Variants in INPP4B observed in about 807,000 individuals in gnomAD.
The protein encoded by INPP4B is inositol polyphosphate-4-phosphatase type II B.
In INPP4B, 55 loss-of-function variants were observed where a neutral mutation model predicts 122.5. The observed-to-expected ratio is 0.45, with a 90% CI of 0.36 to 0.56. The LOEUF (loss-of-function observed/expected upper bound fraction) is 0.56, where lower values mean the gene tolerates loss of function less well. Ranked by LOEUF, INPP4B falls within the 20% of genes least tolerant of loss-of-function variation. The probability of loss-of-function intolerance (pLI) is 0.00; values close to 1 mark genes in which losing one functional copy is unlikely to be tolerated. For missense variants in INPP4B, 1,000 were observed against 1,097.7 expected (o/e 0.91, Z 1.26); for synonymous variants, 403 against 388.7 (o/e 1.04, Z -0.43).
chr4:142,234,557 C>A (rs151075198), intron 12 of INPP4B, among the ~76,000 whole-genome samples: 1 of 152,054 alleles, frequency 6.6e-6, no homozygotes, highest in Non-Finnish European at 1.5e-5. Flanking sequence ...TAAAAATCTC[C>A]TTTTCGTTAT....
intron 2 of INPP4B, among the ~76,000 whole-genome samples, chr4:142,539,476 T>G (rs932293737): frequency 1.3e-4 from 20 of 152,092 alleles, no homozygotes; most frequent in Non-Finnish European, 7.4e-5. Flanking sequence ...ATCTAAATAT[T>G]TCATCAATGG....
intron 22 of INPP4B, among the ~76,000 whole-genome samples, chr4:142,111,199 TA>T (rs3834228): frequency 0.13 from 19,088 of 152,150 alleles, 1,370 homozygotes; most frequent in East Asian, 0.23. Flanking sequence ...GAGTGAATTA[TA>T]GATAAGAAAG....
At chr4:142,278,543 G>T (rs773200269) in intron 9 of INPP4B, among the ~76,000 whole-genome samples, 1 of 151,850 alleles carries the variant, frequency 6.6e-6, no homozygotes, top group African/African-American at 2.4e-5. Flanking sequence ...ACTATGAGGG[G>T]CAAAAAGTTA....
At chr4:142,055,873 A>G (rs1445099922) in intron 25 of INPP4B, among the ~76,000 whole-genome samples, 2 of 151,726 alleles carry the variant, frequency 1.3e-5, no homozygotes, top group African/African-American at 4.8e-5. Context: ...TGTGTACTTT[A>G]TTTCTATTAC....
chr4:142,176,176 T>A (rs776343556), intron 15 of INPP4B, among the ~76,000 whole-genome samples: 1 of 149,294 alleles, frequency 6.7e-6, no homozygotes. Flanking sequence ...CTAGGGTACA[T>A]GTGCATAACA....
intron 12 of INPP4B, among the ~76,000 whole-genome samples, chr4:142,218,036 TTGTG>T (rs4054980): frequency 4.2e-4 from 63 of 149,148 alleles, no homozygotes; most frequent in African/African-American, 1.5e-3. Context: ...TTCTAATAAA[TTGTG>T]TGTGTGTGTG....
At chr4:142,252,036 G>A (rs1732413035) in intron 11 of INPP4B, among the ~76,000 whole-genome samples, 1 of 152,168 alleles carries the variant, frequency 6.6e-6, no homozygotes, top group African/African-American at 2.4e-5. Context: ...TTTAAATTCT[G>A]GACCCACTGT....
chr4:142,038,255 T>C (rs1292301277), intron 25 of INPP4B, among the ~76,000 whole-genome samples: 5 of 152,172 alleles, frequency 3.3e-5, no homozygotes, highest in South Asian at 2.1e-4. Flanking sequence ...ATAATTCCCA[T>C]TGGCCTAAAT....
chr4:142,574,918 T>G (rs1345335638), intron 2 of INPP4B, among the ~76,000 whole-genome samples: 1 of 152,074 alleles, frequency 6.6e-6, no homozygotes, highest in Non-Finnish European at 1.5e-5. Context: ...ATGTTTGTTA[T>G]GTGACTGGGT....
chr4:142,362,256 C>G (rs1329962609), intron 7 of INPP4B, among the ~76,000 whole-genome samples: 3 of 152,000 alleles, frequency 2.0e-5, no homozygotes, highest in Non-Finnish European at 4.4e-5. Context: ...GGAGTAGGTG[C>G]AAACAAATAT....
intron 1 of INPP4B, among the ~76,000 whole-genome samples, chr4:142,785,143 A>C (rs762923261): frequency 6.6e-6 from 1 of 152,168 alleles, no homozygotes. Context: ...GGAGAAAACA[A>C]CAAGAAAATT....
At chr4:142,631,610 CAAAT>C (rs1374802431) in intron 2 of INPP4B, among the ~76,000 whole-genome samples, 2 of 151,454 alleles carry the variant, frequency 1.3e-5, no homozygotes, top group East Asian at 3.9e-4. Context: ...GGAAGCATGA[CAAAT>C]AAAAAAAATC....
chr4:142,284,336 A>T (rs1318522946), intron 9 of INPP4B, among the ~76,000 whole-genome samples: 4 of 152,162 alleles, frequency 2.6e-5, no homozygotes, highest in African/African-American at 4.8e-5. Flanking sequence ...TAAGTGCTGG[A>T]ATAATGTTCT....
intron 6 of INPP4B, among the ~76,000 whole-genome samples, chr4:142,404,412 A>G (rs1802649210): frequency 6.6e-6 from 1 of 152,058 alleles, no homozygotes; most frequent in Non-Finnish European, 1.5e-5. Context: ...AGTGTAGATT[A>G]TACTTTCTCC....
intron 3 of INPP4B, among the ~76,000 whole-genome samples, chr4:142,436,309 A>G (rs1810507085): frequency 6.6e-6 from 1 of 152,196 alleles, no homozygotes; most frequent in Non-Finnish European, 1.5e-5. Flanking sequence ...GTGAACCAGC[A>G]GACTTAGTCT....
intron 5 of INPP4B, among the ~76,000 whole-genome samples, chr4:142,417,926 G>A (rs894295860): frequency 6.6e-6 from 1 of 152,076 alleles, no homozygotes; most frequent in Non-Finnish European, 1.5e-5. Context: ...TGTTCTTGTT[G>A]TTATTTGTAT....
At position 142,025,534 on chromosome 4, in the gene INPP4B, T is replaced by A. The variant is rs1238512186; in HGVS notation, c.*3248A>T. On this transcript the variant is annotated 3_prime_UTR_variant, in exon 26 of 26. Coordinates refer to ENST00000262992, the MANE Select transcript of INPP4B (RefSeq NM_001101669.3). ...GCTAGTTCCAGCCCACCAGTGGTAT[T>A]GTGTCTCTTGGTACACTATCAACTT... 6.6e-6 allele frequency: 1 copy of A among 152,198 alleles called. No homozygotes were observed. Among genetic ancestry groups the A allele is most frequent in the East Asian group, 1.9e-4 (1 of 5,200 alleles). The allele number at this position is 152,198 out of a possible 1,614,324, so 9.4% of individuals were successfully genotyped here.
intron 5 of INPP4B, chr4:142,427,369 T>C (rs1808330911): frequency 2.2e-6 from 1 of 459,686 alleles, no homozygotes; most frequent in Admixed American, 4.0e-5. Flanking sequence ...TGTTTCTTAG[T>C]ATATTTTAAA....
intron 8 of INPP4B, among the ~76,000 whole-genome samples, chr4:142,313,625 A>C (rs1163305144): frequency 6.6e-6 from 1 of 152,130 alleles, no homozygotes. Flanking sequence ...TTCTGGATGC[A>C]CTGGAGGAAG....
Sources: allele counts gnomAD v4.1 joint callset (sites outside exome capture counted in the v4.1 genomes callset), GRCh38; gene constraint gnomAD v4.1.1; transcripts MANE v1.5; gene names NCBI Gene and HGNC (gene_info 2026-07-23, HGNC 2026-07-21).